BNC2: variants seen among roughly 807,000 people sequenced by gnomAD.
BNC2 encodes basonuclin zinc finger protein 2.
A neutral mutation model predicts 76.3 loss-of-function variants in BNC2; 20 were observed. The observed-to-expected ratio is 0.26, with a 90% CI of 0.18 to 0.38. The LOEUF is 0.38. Ranked by LOEUF, BNC2 falls within the 10% of genes least tolerant of loss-of-function variation. The probability of loss-of-function intolerance (pLI) is 1.00; values close to 1 mark genes in which losing one functional copy is unlikely to be tolerated. For missense variants in BNC2, 1,382 were observed against 1,399.8 expected, an observed-to-expected ratio of 0.99 and a Z score of 0.20; for synonymous variants, 582 against 514.8, an observed-to-expected ratio of 1.13 and a Z score of -1.77.
chr9:16,692,872 G>A (rs1055212979), intron 3 of BNC2, among the ~76,000 whole-genome samples: 4 of 152,104 alleles, frequency 2.6e-5, no homozygotes, highest in Non-Finnish European at 5.9e-5. Context: ...GCTCATGCCT[G>A]TAATTCCAGC....
intron 5 of BNC2, among the ~76,000 whole-genome samples, chr9:16,542,932 G>C (rs764547262): frequency 2.6e-4 from 40 of 152,022 alleles, no homozygotes; most frequent in Non-Finnish European, 1.0e-4. Context: ...AAAAGAAACA[G>C]ATAGTAGACT....
chr9:16,692,092 T>G (rs1823190576), intron 3 of BNC2, among the ~76,000 whole-genome samples: 1 of 152,162 alleles, frequency 6.6e-6, no homozygotes, highest in African/African-American at 2.4e-5. Flanking sequence ...ATTACAGGCG[T>G]GAGCCACTGC....
chr9:16,505,006 C>T (rs1822595902), intron 5 of BNC2, among the ~76,000 whole-genome samples: 1 of 152,146 alleles, frequency 6.6e-6, no homozygotes, highest in Non-Finnish European at 1.5e-5. Flanking sequence ...GTCAACTGTC[C>T]AGGTTTGAAA....
intron 3 of BNC2, among the ~76,000 whole-genome samples, chr9:16,589,670 G>A (rs1362826145): frequency 6.6e-6 from 1 of 151,586 alleles, no homozygotes; most frequent in African/African-American, 2.4e-5. Context: ...CACCACACCG[G>A]GCTAATTTTT....
intron 1 of BNC2, among the ~76,000 whole-genome samples, chr9:16,839,598 A>G (rs1197645186): frequency 6.6e-6 from 1 of 152,102 alleles, no homozygotes; most frequent in Non-Finnish European, 1.5e-5. Context: ...CACGCTGCGC[A>G]CTCTCTAGCT....
At chr9:16,443,027 G>C (rs149476110) in intron 5 of BNC2, among the ~76,000 whole-genome samples, 341 of 129,586 alleles carry the variant, frequency 2.6e-3, no homozygotes, top group Non-Finnish European at 4.3e-3. Flanking sequence ...AGAATCACTT[G>C]AACCCAGGAA....
chr9:16,760,592 T>C (rs933197986), intron 1 of BNC2, among the ~76,000 whole-genome samples: 2 of 152,162 alleles, frequency 1.3e-5, no homozygotes, highest in Non-Finnish European at 2.9e-5. Context: ...AGATCCCCAG[T>C]AATCTGCGTT....
At chr9:16,444,291 A>G (rs1327473523) in intron 5 of BNC2, among the ~76,000 whole-genome samples, 3 of 152,216 alleles carry the variant, frequency 2.0e-5, no homozygotes, top group Non-Finnish European at 4.4e-5. Context: ...ATGGGGGTAC[A>G]TGCTCACAAA....
intron 3 of BNC2, among the ~76,000 whole-genome samples, chr9:16,709,093 T>C (rs1343566269): frequency 2.0e-5 from 3 of 152,196 alleles, no homozygotes; most frequent in Admixed American, 2.0e-4. Context: ...AGGGAAAGCC[T>C]GTCAGCCAGT....
At chr9:16,529,704 A>G (rs1771183173) in intron 5 of BNC2, among the ~76,000 whole-genome samples, 1 of 152,132 alleles carries the variant, frequency 6.6e-6, no homozygotes, top group Non-Finnish European at 1.5e-5. Context: ...TGAGTATGCT[A>G]TTCATTAAAT....
chr9:16,796,811 A>G (rs1444231171), intron 1 of BNC2, among the ~76,000 whole-genome samples: 1 of 152,180 alleles, frequency 6.6e-6, no homozygotes, highest in Non-Finnish European at 1.5e-5. Context: ...AGTGTACAAA[A>G]ATTCAAATTA....
chr9:16,442,926 T>C (rs1279823315), intron 5 of BNC2, among the ~76,000 whole-genome samples: 1 of 151,590 alleles, frequency 6.6e-6, no homozygotes, highest in Non-Finnish European at 1.5e-5. Context: ...GCCAACACCA[T>C]GAAAACCCGT....
rs2131139465 is a variant in BNC2 at position 16,455,733 on chromosome 9, A to T, written c.670-18209T>A. ...CTTGAACCCAGGAGATGGAGGTTGTAGTGAGCCGAGATTGCACCATTGCAC... is the reference window on the plus strand; with the variant it reads ...CTTGAACCCAGGAGATGGAGGTTGTTGTGAGCCGAGATTGCACCATTGCAC... On this transcript the variant is annotated intron_variant, in intron 5 of 6. Transcript: ENST00000380672. Among the ~76,000 whole-genome samples, 3 of 151,998 alleles carry T rather than the reference A, an allele frequency of 2.0e-5. 1 individual carries two copies. Among genetic ancestry groups the T allele is most frequent in the African/African-American group, 7.2e-5 (3 of 41,458 alleles).
intron 1 of BNC2, among the ~76,000 whole-genome samples, chr9:16,751,282 C>G (rs1025748008): frequency 4.6e-5 from 7 of 150,670 alleles, no homozygotes; most frequent in Non-Finnish European, 1.0e-4. Flanking sequence ...AAAAAAAACC[C>G]TAGTATATTG....
chr9:16,671,726 T>C (rs1286353885), intron 3 of BNC2, among the ~76,000 whole-genome samples: 1 of 152,170 alleles, frequency 6.6e-6, no homozygotes, highest in Non-Finnish European at 1.5e-5. Context: ...GTCACCTCTT[T>C]AACCCAGAAG....
Position 16,691,504 on chromosome 9 carries a change from C to CTTTTTTTTTT in BNC2, c.330+36283_330+36292dup, listed in dbSNP as rs71327842. 6.2e-4 allele frequency among the ~76,000 whole-genome samples: 70 copies of CTTTTTTTTTT among 113,214 alleles called. 2 individuals are homozygous for CTTTTTTTTTT. The highest frequency in any genetic ancestry group is 2.4e-3 in the African/African-American group (67 of 28,404). 74.3% of individuals were successfully genotyped at this position (113,214 alleles called of 152,430 possible). A position where few individuals can be genotyped will look rare whatever the true frequency, so the allele number is the denominator to read the frequency against. ...CCAGATCCACGGATGGGTATGGGTT[C>CTTTTTTTTTT]TTTTTTTTTTTTTTTTTTTTTTTGA... On this transcript the variant is annotated intron_variant, in intron 3 of 6. Coordinates refer to ENST00000380672, the MANE Select transcript of BNC2 (RefSeq NM_017637.6).
chr9:16,584,991 C>T (rs1444197779), intron 3 of BNC2, among the ~76,000 whole-genome samples: 3 of 151,862 alleles, frequency 2.0e-5, no homozygotes, highest in East Asian at 1.9e-4. Flanking sequence ...TCTGCTTTAC[C>T]GAAATCAAGG....
intron 4 of BNC2, among the ~76,000 whole-genome samples, chr9:16,553,065 G>A (rs138516372): frequency 1.4e-4 from 21 of 152,126 alleles, no homozygotes; most frequent in African/African-American, 3.6e-4. Context: ...TCAAATGACC[G>A]TGGCTGGTGC....
intron 1 of BNC2, among the ~76,000 whole-genome samples, chr9:16,812,482 C>T (rs542664672): frequency 6.6e-6 from 1 of 152,314 alleles, no homozygotes; most frequent in South Asian, 2.1e-4. Context: ...GTGAGATCAT[C>T]CCCACAAACC....
Sources: allele counts gnomAD v4.1 joint callset (sites outside exome capture counted in the v4.1 genomes callset), GRCh38; gene constraint gnomAD v4.1.1; transcripts MANE v1.5; gene names NCBI Gene and HGNC (gene_info 2026-07-23, HGNC 2026-07-21).